Variants in MAGEA8 observed in about 807,000 individuals in gnomAD.
The protein encoded by MAGEA8 is MAGE family member A8, also known as melanoma-associated antigen 8.
For missense variants in MAGEA8, 229 were observed against 251.1 expected, an observed-to-expected ratio of 0.91 and a Z score of 0.59; for synonymous variants, 104 against 102.6, an observed-to-expected ratio of 1.01 and a Z score of -0.08.
intron 1 of MAGEA8, chrX:149,883,737 G>A (rs1259579657): frequency 1.8e-5 from 2 of 113,563 alleles, no homozygotes; most frequent in Admixed American, 9.2e-5. Context: ...AGCTCACAGA[G>A]TCAGGCTCAC....
At chrX:149,881,892 G>A (rs184097953) in intron 1 of MAGEA8, among the ~76,000 whole-genome samples, 18 of 110,000 alleles carry the variant, frequency 1.6e-4, no homozygotes, top group African/African-American at 5.3e-4. Context: ...AAGTCAGCAG[G>A]GGGGTGGTGA....
At position 149,885,202 on chromosome X, in the gene MAGEA8, G is replaced by A; in HGVS notation, c.930G>A (p.Glu310=). ...VRISYPSLHE[E]ALGEEKGV ...TTTCCTACCCATCCCTGCATGAAGA[G>A]GCTTTGGGAGAGGAGAAAGGAGTTT... Residue 310 remains glutamate (E), a synonymous_variant, in exon 3 of 3, where the codon GAG becomes GAA. Transcript: ENST00000286482. 1.7e-6 allele frequency: 2 copies of A among 1,195,080 alleles called. No homozygotes were observed. The highest frequency in any genetic ancestry group is 2.3e-6 in the Non-Finnish European group (2 of 887,468).
intron 1 of MAGEA8, among the ~76,000 whole-genome samples, chrX:149,881,682 C>G (rs1602997899): frequency 1.2e-5 from 1 of 82,340 alleles, no homozygotes. Context: ...CTCGCTGATT[C>G]TGACGTCCGC....
intron 1 of MAGEA8, among the ~76,000 whole-genome samples, chrX:149,882,464 G>A (rs2090737024): frequency 9.0e-6 from 1 of 111,395 alleles, no homozygotes. Context: ...ACCTGGGTCT[G>A]AAGGGCGTCC....
intron 1 of MAGEA8, among the ~76,000 whole-genome samples, chrX:149,881,815 C>G (rs2090732794): frequency 9.1e-6 from 1 of 110,263 alleles, no homozygotes; most frequent in Non-Finnish European, 1.9e-5. Context: ...GACAGGGGGC[C>G]CACCCTACCT....
rs200493000 is a variant in MAGEA8, at chrX:149,884,720, T to C, written c.448T>C (p.Phe150Leu). The C allele has an allele frequency of 5.3e-5, 64 of 1,209,927 alleles. 1 individual carries two copies. In the East Asian group the frequency reaches 1.9e-3, roughly 35 times the overall value. The change falls in exon 3 of 3, where the codon TTT becomes CTT. Residue 150 changes from phenylalanine to leucine, a missense_variant. By Grantham distance (22) the Phe-to-Leu change is conservative. Transcript: ENST00000286482. The stretch of plus-strand genomic sequence containing the variant: ...TGTCATCAAAAATTACAAGAACCAC[T>C]TTCCTGATATCTTCAGCAAAGCCTC... The part of the protein sequence containing the change: ...ESVIKNYKNH[F>L]PDIFSKASEC...
chrX:149,884,891 A>G lies in MAGEA8; in HGVS notation c.619A>G (p.Ile207Val), dbSNP rs370538636. ...TACGCCCAAGACCGGCCTCCTGATAATCGTCCTGGGCATGATCTTAATGGA... is the reference window on the plus strand; with the variant it reads ...TACGCCCAAGACCGGCCTCCTGATAGTCGTCCTGGGCATGATCTTAATGGA... ...QSTPKTGLLIIVLGMILMEGS... is the reference protein window; with the variant it reads ...QSTPKTGLLIVVLGMILMEGS... The change falls in exon 3 of 3, where the codon ATC becomes GTC. Residue 207 changes from isoleucine to valine, a missense_variant. By Grantham distance (29) the Ile-to-Val change is conservative (BLOSUM62 3). Transcript: ENST00000286482. The G allele has an allele frequency of 1.7e-6, 2 of 1,211,061 alleles. No homozygotes were observed. The highest frequency in any genetic ancestry group is 2.2e-6 in the Non-Finnish European group (2 of 895,224).
At chrX:149,881,716 G>A (rs192956880) in intron 1 of MAGEA8, among the ~76,000 whole-genome samples, 115 of 107,502 alleles carry the variant, frequency 1.1e-3, no homozygotes, top group African/African-American at 3.8e-3. Flanking sequence ...GCAGCAAAGG[G>A]GCTTCATGAG....
chrX:149,885,112 C>A lies in MAGEA8; in HGVS notation c.840C>A (p.Ala280=). The stretch of plus-strand genomic sequence containing the variant: ...ACGAGTTCCTGTGGGGTCCAAGGGC[C>A]CTTGCTGAAACCAGCTATGTGAAAG... ...VRYEFLWGPR[A]LAETSYVKVL... The change falls in exon 3 of 3, where the codon GCC becomes GCA. Residue 280 remains alanine, a synonymous_variant. Transcript: ENST00000286482. The A allele has an allele frequency of 2.5e-6, 3 of 1,211,702 alleles. No homozygotes were observed. The highest frequency in any genetic ancestry group is 3.4e-6 in the Non-Finnish European group (3 of 895,300).
chrX:149,885,333 C>T lies in MAGEA8; in HGVS notation c.*104C>T. On this transcript the variant is annotated 3_prime_UTR_variant, in exon 3 of 3. Coordinates refer to ENST00000286482, the MANE Select transcript of MAGEA8 (RefSeq NM_005364.5). ...ACTTTCCCTGCTCTGTTACATGAGGCCCATTCTTCACTCTGTGTTTGAAGA... is the reference window on the plus strand; with the variant it reads ...ACTTTCCCTGCTCTGTTACATGAGGTCCATTCTTCACTCTGTGTTTGAAGA... 3.3e-6 allele frequency: 2 copies of T among 603,998 alleles called. No individual in the cohort carries two copies. The highest frequency in any genetic ancestry group is 5.3e-6 in the Non-Finnish European group (2 of 376,098). 49.8% of individuals were successfully genotyped at this position (603,998 alleles called of 1,213,427 possible).
chrX:149,881,581 G>A (rs1052496422), intron 1 of MAGEA8, among the ~76,000 whole-genome samples: 5 of 84,796 alleles, frequency 5.9e-5, no homozygotes, highest in African/African-American at 2.2e-4. Context: ...TGTCAGCCCT[G>A]GGAAGCCCTA....
At chrX:149,882,270 T>A in intron 1 of MAGEA8, among the ~76,000 whole-genome samples, 1 of 111,194 alleles carries the variant, frequency 9.0e-6, no homozygotes, top group East Asian at 2.8e-4. Flanking sequence ...GCAAGACACA[T>A]CCACGGTTCA....
Position 149,884,538 on chromosome X carries a change from G to A in MAGEA8, c.266G>A (p.Ser89Asn). The A allele has an allele frequency of 8.3e-7, 1 of 1,211,725 alleles. No individual in the cohort carries two copies. Among genetic ancestry groups the A allele is most frequent in the Non-Finnish European group, 1.1e-6 (1 of 895,432 alleles). Residue 89 changes from serine (S) to asparagine (N), a missense_variant, in exon 3 of 3, where the codon AGC (serine) becomes AAC (asparagine). Coordinates refer to ENST00000286482, the MANE Select transcript of MAGEA8 (RefSeq NM_005364.5). ...AGCCAATCCGATGAGGGTTCCAGCA[G>A]CAATGAAGAGGAGGGGCCAAGCACC... is the stretch of plus-strand genomic sequence containing the variant. ...LWSQSDEGSS[S>N]NEEEGPSTSP... is the part of the protein sequence containing the mutation.
rs2090747344 is a variant in MAGEA8, at chrX:149,884,299, C to T, written c.27C>T (p.Arg9=). The T allele has an allele frequency of 8.3e-7, 1 of 1,201,460 alleles. No homozygotes were observed. Among genetic ancestry groups the T allele is most frequent in the Non-Finnish European group, 1.1e-6 (1 of 890,137 alleles). ...TGCTTCTTGGGCAGAAGAGTCAGCG[C>T]TACAAGGCTGAGGAAGGCCTTCAGG... MLLGQKSQ[R]YKAEEGLQAQ... Residue 9 remains arginine, a synonymous_variant, in exon 3 of 3, where the codon CGC becomes CGT. Transcript: ENST00000286482.
Position 149,885,260 on chromosome X carries a change from G to A in MAGEA8, c.*31G>A. The A allele has an allele frequency of 9.1e-7, 1 of 1,093,692 alleles. No individual in the cohort carries two copies. Among genetic ancestry groups the A allele is most frequent in the Non-Finnish European group, 1.2e-6 (1 of 807,179 alleles). 90.1% of individuals were successfully genotyped at this position (1,093,692 alleles called of 1,213,427 possible). On this transcript the variant is annotated 3_prime_UTR_variant, in exon 3 of 3. Coordinates refer to ENST00000286482, the MANE Select transcript of MAGEA8 (RefSeq NM_005364.5). ...AGTTGCAGCTAGGGCCAGTGGGGCAGGTTGTGGGAGGGCCTGGGCCAGTGC... is the reference window on the plus strand; with the variant it reads ...AGTTGCAGCTAGGGCCAGTGGGGCAAGTTGTGGGAGGGCCTGGGCCAGTGC...
rs782594352 is a variant in MAGEA8 at position 149,884,803 on chromosome X, C to T, written c.531C>T (p.His177=). The T allele has an allele frequency of 2.5e-6, 3 of 1,209,658 alleles. No homozygotes were observed. In the East Asian group the frequency reaches 8.9e-5, roughly 36 times the overall value. The change falls in exon 3 of 3, where the codon CAC becomes CAT. Residue 177 remains histidine (H), a synonymous_variant. Transcript: ENST00000286482. ...IDVKEVDPAG[H]SYILVTCLGL... ...TGAAGGAAGTGGACCCTGCCGGCCACTCCTACATCCTTGTCACCTGCCTGG... is the reference window on the plus strand; with the variant it reads ...TGAAGGAAGTGGACCCTGCCGGCCATTCCTACATCCTTGTCACCTGCCTGG...
Position 149,885,143 on chromosome X carries a change from G to C in MAGEA8, c.871G>C (p.Glu291Gln), listed in dbSNP as rs149075416. Reference protein sequence around the residue: ...LAETSYVKVLEHVVRVNARVR... With the variant: ...LAETSYVKVLQHVVRVNARVR... ...TGAAACCAGCTATGTGAAAGTCCTG[G>C]AGCATGTGGTCAGGGTCAATGCAAG... The change falls in exon 3 of 3, where the codon GAG (glutamate) becomes CAG (glutamine). Residue 291 changes from glutamate to glutamine, a missense_variant. Coordinates refer to ENST00000286482, the MANE Select transcript of MAGEA8 (RefSeq NM_005364.5). 103 of 1,209,906 alleles carry C rather than the reference G, an allele frequency of 8.5e-5. No homozygotes were observed. The highest frequency in any genetic ancestry group is 1.1e-4 in the Non-Finnish European group (98 of 894,924).
chrX:149,883,097 C>A (rs1226708676), intron 1 of MAGEA8: 3 of 112,236 alleles, frequency 2.7e-5, no homozygotes, highest in Non-Finnish European at 5.6e-5. Flanking sequence ...GGGGGCCCAA[C>A]AGAAATCTGC....
At position 149,885,230 on chromosome X, in the gene MAGEA8, G is replaced by A. The variant is rs781866206; in HGVS notation, c.*1G>A. 1.1e-5 allele frequency: 13 copies of A among 1,171,384 alleles called. No individual in the cohort carries two copies. The highest frequency in any genetic ancestry group is 1.3e-5 in the Non-Finnish European group (11 of 872,124). On this transcript the variant is annotated 3_prime_UTR_variant, in exon 3 of 3. Transcript: ENST00000286482. ...TTTGGGAGAGGAGAAAGGAGTTTGA[G>A]CAGGAGTTGCAGCTAGGGCCAGTGG... is the stretch of plus-strand genomic sequence containing the variant.
Sources: gnomAD v4.1 joint callset for allele counts (sites outside exome capture counted in the v4.1 genomes callset) on GRCh38, gnomAD v4.1.1 for gene constraint, MANE v1.5 for transcripts, NCBI Gene and HGNC (gene_info 2026-07-23, HGNC 2026-07-21) for gene names.